Variants in SDK1 observed in about 807,000 individuals in gnomAD.
The protein encoded by SDK1 is protein sidekick-1.
A neutral mutation model predicts 245.5 loss-of-function variants in SDK1; 157 were observed. The ratio of observed to expected loss-of-function variants is 0.64; its 90% CI spans 0.56 to 0.73. The LOEUF is 0.73. SDK1 is among the 30% of genes least tolerant of loss of function. The pLI is 0.00. For synonymous variants in SDK1, 1,647 were observed against 1,278.5 expected (o/e 1.29, Z -6.15); for missense variants, 3,583 against 3,002.3 (o/e 1.19, Z -4.52).
chr7:4,237,047 C>T (rs56339635), intron 41 of SDK1, among the ~76,000 whole-genome samples: 1 of 152,150 alleles, frequency 6.6e-6, no homozygotes, highest in Non-Finnish European at 1.5e-5. Flanking sequence ...GCTGGGACTA[C>T]AGGTGTGCCA....
chr7:3,383,868 T>C (rs2128567765), intron 1 of SDK1, among the ~76,000 whole-genome samples: 1 of 152,306 alleles, frequency 6.6e-6, no homozygotes, highest in South Asian at 2.1e-4. Flanking sequence ...TTTAAAAATA[T>C]TTTCTCTTTA....
chr7:3,659,464 T>G (rs77113006), intron 4 of SDK1, among the ~76,000 whole-genome samples: 1 of 152,214 alleles, frequency 6.6e-6, no homozygotes, highest in Non-Finnish European at 1.5e-5. Context: ...GAAATGGGGC[T>G]GGACATCTGC....
At chr7:3,443,526 A>G (rs914511729) in intron 1 of SDK1, among the ~76,000 whole-genome samples, 1 of 152,194 alleles carries the variant, frequency 6.6e-6, no homozygotes, top group Non-Finnish European at 1.5e-5. Context: ...TGATTTTGTC[A>G]CTAACTGCTT....
At chr7:3,982,808 C>G (rs997042259) in intron 13 of SDK1, among the ~76,000 whole-genome samples, 4 of 151,632 alleles carry the variant, frequency 2.6e-5, no homozygotes, top group Non-Finnish European at 4.4e-5. Flanking sequence ...CCACTGCACT[C>G]CAGCGTGGGC....
chr7:4,132,917 T>A (rs1221585511), intron 28 of SDK1, among the ~76,000 whole-genome samples: 1 of 152,238 alleles, frequency 6.6e-6, no homozygotes, highest in East Asian at 1.9e-4. Context: ...AAGGTTTTTC[T>A]TATGGAATGA....
chr7:4,260,028 AAGG>A lies in SDK1; in HGVS notation c.6382-5093_6382-5091del, dbSNP rs747434562. Among the ~76,000 whole-genome samples, 67 of 152,368 alleles carry A rather than the reference AAGG, an allele frequency of 4.4e-4. 1 individual carries two copies. The highest frequency in any genetic ancestry group is 4.1e-4 in the South Asian group (2 of 4,822). Reference sequence around the variant, plus strand: ...TGGTATGTAATCGGTGTTCCCGAAAAAGGAGCCACTGCCACGTTTATCATCGTC... The same window carrying A: ...TGGTATGTAATCGGTGTTCCCGAAAAAGCCACTGCCACGTTTATCATCGTC... On this transcript the variant is annotated intron_variant, in intron 44 of 44. Transcript: ENST00000404826.
At chr7:3,774,243 C>T (rs1780487072) in intron 4 of SDK1, among the ~76,000 whole-genome samples, 1 of 150,866 alleles carries the variant, frequency 6.6e-6, no homozygotes, top group Admixed American at 6.6e-5. Flanking sequence ...AGAATACTGG[C>T]CTTTTAAATC....
chr7:3,641,631 T>C (rs1782649545), intron 3 of SDK1, among the ~76,000 whole-genome samples: 1 of 152,250 alleles, frequency 6.6e-6, no homozygotes, highest in South Asian at 2.1e-4. Context: ...GAAAACTGCT[T>C]CACGTGGCTC....
rs17133434 is a variant in SDK1 at position 3,491,700 on chromosome 7, A to G, written c.299-127380A>G. 2.7e-3 allele frequency among the ~76,000 whole-genome samples: 414 copies of G among 152,310 alleles called. 3 individuals carry two copies. Among genetic ancestry groups the G allele is most frequent in the African/African-American group, 7.6e-3 (317 of 41,576 alleles). Reference sequence around the variant, plus strand: ...TCTCAGTTGAGCTAGAACTTTAGCTATTGTCTCTTTGCTCTACTGAAGGTA... The same window carrying G: ...TCTCAGTTGAGCTAGAACTTTAGCTGTTGTCTCTTTGCTCTACTGAAGGTA... On this transcript the variant is annotated intron_variant, in intron 1 of 44. Transcript: ENST00000404826.
At chr7:3,309,106 C>T (rs1325267601) in intron 1 of SDK1, among the ~76,000 whole-genome samples, 1 of 152,116 alleles carries the variant, frequency 6.6e-6, no homozygotes, top group Non-Finnish European at 1.5e-5. Flanking sequence ...CTGATTTCCA[C>T]AGGTGGTAGT....
chr7:3,301,882 A>G lies in SDK1; in HGVS notation c.296A>G (p.Gln99Arg), dbSNP rs1402442181. 2.7e-6 allele frequency: 3 copies of G among 1,131,744 alleles called. No individual in the cohort carries two copies. Among genetic ancestry groups the G allele is most frequent in the East Asian group, 4.4e-5 (1 of 22,780 alleles). 70.1% of individuals were successfully genotyped at this position (1,131,744 alleles called of 1,614,324 possible). A position where few individuals can be genotyped will look rare whatever the true frequency, so the allele number is the denominator to read the frequency against. The change falls in exon 1 of 45, where the codon CAA becomes CGA. Residue 99 changes from glutamine (Q) to arginine (R), a missense_variant and splice_region_variant. Physicochemically the swap from Gln to Arg is conservative, Grantham distance 43. Coordinates refer to ENST00000404826, the MANE Select transcript of SDK1 (RefSeq NM_152744.4). ...LQLHLLRALA[Q>R]DDVAPYFKTE... The stretch of plus-strand genomic sequence containing the variant: ...CTGCACTTGCTCCGGGCGCTGGCGC[A>G]AGGTAGGTGCGCGCGGGGTCGCGGG...
chr7:3,803,330 A>C (rs1438080621), intron 4 of SDK1, among the ~76,000 whole-genome samples: 1 of 142,466 alleles, frequency 7.0e-6, no homozygotes, highest in Non-Finnish European at 1.5e-5. Flanking sequence ...TTTTTTTTGG[A>C]AACAAAGTCT....
intron 1 of SDK1, among the ~76,000 whole-genome samples, chr7:3,543,798 C>T (rs947151956): frequency 3.9e-5 from 6 of 152,068 alleles, no homozygotes; most frequent in Admixed American, 6.6e-5. Flanking sequence ...GTATTCTGTA[C>T]GAAAGGATGA....
chr7:3,342,485 G>A (rs1780374209), intron 1 of SDK1, among the ~76,000 whole-genome samples: 1 of 152,128 alleles, frequency 6.6e-6, no homozygotes, highest in Non-Finnish European at 1.5e-5. Context: ...TTACTCAGGA[G>A]GCTGAGGCAG....
intron 1 of SDK1, among the ~76,000 whole-genome samples, chr7:3,431,009 T>G (rs1015474300): frequency 2.6e-5 from 4 of 152,342 alleles, no homozygotes; most frequent in South Asian, 2.1e-4. Flanking sequence ...CAAGTGATTC[T>G]TCTGCCTCAG....
chr7:3,317,180 CAAAAAAAAAAAA>C (rs57138474), intron 1 of SDK1, among the ~76,000 whole-genome samples: 4 of 32,712 alleles, frequency 1.2e-4, no homozygotes, highest in African/African-American at 2.1e-4. Flanking sequence ...GACTCTGTCT[CAAAAAAAAAAAA>C]AAAAAAAAAA....
intron 5 of SDK1, among the ~76,000 whole-genome samples, chr7:3,869,691 GA>G (rs1780911987): frequency 6.6e-6 from 1 of 152,086 alleles, no homozygotes; most frequent in African/African-American, 2.4e-5. Context: ...TTTAACTTTT[GA>G]AATTTTAGAT....
At chr7:3,671,408 C>T (rs1783697361) in intron 4 of SDK1, among the ~76,000 whole-genome samples, 1 of 152,170 alleles carries the variant, frequency 6.6e-6, no homozygotes, top group Non-Finnish European at 1.5e-5. Context: ...AATCAATGTA[C>T]ATCTCCCCAA....
At chr7:4,248,262 A>C (rs556358182) in intron 44 of SDK1, among the ~76,000 whole-genome samples, 97 of 152,072 alleles carry the variant, frequency 6.4e-4, no homozygotes, top group Non-Finnish European at 1.2e-3. Context: ...AGAACACACA[A>C]CACACACACC....
Sources: allele counts gnomAD v4.1 joint callset (sites outside exome capture counted in the v4.1 genomes callset), GRCh38; gene constraint gnomAD v4.1.1; transcripts MANE v1.5; gene names NCBI Gene and HGNC (gene_info 2026-07-23, HGNC 2026-07-21).